The following LRRIQ1 variants were observed in gnomAD, a reference collection of about 807,000 sequenced individuals.
The protein encoded by LRRIQ1 is leucine-rich repeat- and IQ domain-containing protein 1.
Under a neutral mutation model 211.9 loss-of-function variants are expected in LRRIQ1, and 210 were observed. The observed-to-expected ratio is 0.99, with a 90% CI of 0.89 to 1.11. The LOEUF (loss-of-function observed/expected upper bound fraction) is 1.11. Among genes scored for constraint, LRRIQ1 ranks in the 50% most tolerant of loss-of-function variants. The pLI, the probability that LRRIQ1 is intolerant of heterozygous loss-of-function variation, is 0.00. For synonymous variants in LRRIQ1, 699 were observed against 650.1 expected, an observed-to-expected ratio of 1.08 and a Z score of -1.14; for missense variants, 2,136 against 1,939.5, an observed-to-expected ratio of 1.10 and a Z score of -1.90.
intron 23 of LRRIQ1, among the ~76,000 whole-genome samples, chr12:85,155,552 G>C (rs1038174420): frequency 3.3e-5 from 5 of 151,516 alleles, no homozygotes; most frequent in African/African-American, 1.2e-4. Flanking sequence ...TTAAACAACT[G>C]TTTTGAGAAT....
Position 85,229,497 on chromosome 12 carries a change from G to T in LRRIQ1, c.4823-20G>T. Reference sequence around the variant, plus strand: ...TGGTCTCTTTAAATAATAAGTACACGTTCCATATTTCTTTCACAGGTATAG... The same window carrying T: ...TGGTCTCTTTAAATAATAAGTACACTTTCCATATTTCTTTCACAGGTATAG... On this transcript the variant is annotated intron_variant, in intron 24 of 26. Transcript: ENST00000393217. 6.3e-7 allele frequency: 1 copy of T among 1,585,342 alleles called. No homozygotes were observed. Among genetic ancestry groups the T allele is most frequent in the South Asian group, 1.2e-5 (1 of 85,658 alleles).
intron 1 of LRRIQ1, among the ~76,000 whole-genome samples, chr12:85,257,136 TTA>T (rs1354174423): frequency 8.3e-5 from 1 of 12,084 alleles, no homozygotes; most frequent in African/African-American, 3.7e-4. Flanking sequence ...ATAATATATA[TTA>T]TATATTTATA....
chr12:85,169,348 C>T (rs1487226103), intron 24 of LRRIQ1, among the ~76,000 whole-genome samples: 1 of 151,828 alleles, frequency 6.6e-6, no homozygotes, highest in Non-Finnish European at 1.5e-5. Flanking sequence ...AAGTTGGAAG[C>T]CCTTAGATAA....
chr12:85,141,646 C>T (rs374224062), intron 19 of LRRIQ1, among the ~76,000 whole-genome samples: 2 of 144,042 alleles, frequency 1.4e-5, no homozygotes, highest in Non-Finnish European at 1.5e-5. Flanking sequence ...TTCAACTTTA[C>T]TGTGATTTTA....
chr12:85,144,635 T>C (rs184682761), intron 19 of LRRIQ1, among the ~76,000 whole-genome samples: 1 of 151,690 alleles, frequency 6.6e-6, no homozygotes, highest in African/African-American at 2.4e-5. Context: ...ATAGGTAGAC[T>C]GATTAGTAAA....
chr12:85,197,960 T>TA (rs1565898413), intron 24 of LRRIQ1, among the ~76,000 whole-genome samples: 12 of 109,446 alleles, frequency 1.1e-4, no homozygotes, highest in Non-Finnish European at 2.1e-4. Context: ...TAATTATATA[T>TA]TATATATAAA....
At chr12:85,187,159 G>T (rs1158063963) in intron 24 of LRRIQ1, among the ~76,000 whole-genome samples, 3 of 152,184 alleles carry the variant, frequency 2.0e-5, no homozygotes, top group East Asian at 1.9e-4. Flanking sequence ...ATACAGGATA[G>T]TTCCTAAATT....
intron 18 of LRRIQ1, among the ~76,000 whole-genome samples, chr12:85,131,534 G>A (rs1260676905): frequency 1.3e-5 from 2 of 152,232 alleles, no homozygotes; most frequent in South Asian, 2.1e-4. Flanking sequence ...GTAAGAGATA[G>A]GAATTCCAGG....
chr12:85,237,274 G>A (rs1022083193), intron 26 of LRRIQ1, among the ~76,000 whole-genome samples: 4 of 152,018 alleles, frequency 2.6e-5, no homozygotes, highest in Non-Finnish European at 5.9e-5. Context: ...AAACACATGA[G>A]TTCCACAGTC....
rs533032845 is a variant in LRRIQ1, at chr12:85,097,544, T to TG, written c.2888-810dup. Among the ~76,000 whole-genome samples, 207 of 152,216 alleles carry TG rather than the reference T, an allele frequency of 1.4e-3. 1 individual carries two copies. Among genetic ancestry groups the TG allele is most frequent in the African/African-American group, 4.7e-3 (195 of 41,538 alleles). ...TGTCCTTGCGATAGTTTGCTCAGAA[T>TG]GATGGTTTCCAGCTTCATCCATGTC... On this transcript the variant is annotated intron_variant, in intron 11 of 26. Transcript: ENST00000393217.
At chr12:85,165,467 CTTTTTT>C (rs779566934) in intron 24 of LRRIQ1, among the ~76,000 whole-genome samples, 5 of 118,638 alleles carry the variant, frequency 4.2e-5, no homozygotes, top group Middle Eastern at 5.7e-3. Context: ...TGATTTCTTA[CTTTTTT>C]TTTTTTTTTT....
intron 3 of LRRIQ1, 26 bp downstream of exon 3, chr12:85,040,627 C>A (rs1021887265): frequency 2.9e-6 from 4 of 1,362,912 alleles, no homozygotes; most frequent in Non-Finnish European, 3.1e-6. Context: ...ATCTGTCTGG[C>A]AGATAAGCTT....
chr12:85,160,836 A>G, intron 24 of LRRIQ1, 122 bp downstream of exon 24: 1 of 378,042 alleles, frequency 2.6e-6, no homozygotes, highest in Non-Finnish European at 4.4e-6. Context: ...TATGTATAAC[A>G]TATACTTGAA....
intron 13 of LRRIQ1, among the ~76,000 whole-genome samples, chr12:85,100,939 A>G (rs1366745155): frequency 1.3e-5 from 2 of 151,798 alleles, no homozygotes; most frequent in Non-Finnish European, 3.0e-5. Context: ...AAAAAACCAT[A>G]TTAGGTTTGA....
intron 24 of LRRIQ1, among the ~76,000 whole-genome samples, chr12:85,211,621 A>T (rs1893841248): frequency 6.6e-6 from 1 of 152,188 alleles, no homozygotes; most frequent in African/African-American, 2.4e-5. Flanking sequence ...TAACAAAGTG[A>T]CAGTTATTTT....
At chr12:85,210,505 TG>T (rs1893788788) in intron 24 of LRRIQ1, among the ~76,000 whole-genome samples, 1 of 152,218 alleles carries the variant, frequency 6.6e-6, no homozygotes, top group South Asian at 2.1e-4. Flanking sequence ...TTTAGCTTCT[TG>T]TTTTTTAAAT....
chr12:85,271,836 C>G, the LRRIQ1 span, among the ~76,000 whole-genome samples: 1 of 151,952 alleles, frequency 6.6e-6, no homozygotes, highest in Non-Finnish European at 1.5e-5. Context: ...TACCTTTGCC[C>G]AAAATATCTG....
chr12:85,077,081 G>A lies in LRRIQ1; in HGVS notation c.2887+3983G>A, dbSNP rs137921983. Reference sequence around the variant, plus strand: ...AGTGCAACTTTGTATATTTGTATGTGTGAATGAAAAACCATCAGACATGGC... The same window carrying A: ...AGTGCAACTTTGTATATTTGTATGTATGAATGAAAAACCATCAGACATGGC... On this transcript the variant is annotated intron_variant, in intron 11 of 26. Transcript: ENST00000393217. Among the ~76,000 whole-genome samples the A allele has an allele frequency of 1.1e-4, 16 of 152,270 alleles. No homozygotes were observed. The East Asian group carries it at 3.1e-3, about 29-fold the overall frequency.
intron 24 of LRRIQ1, among the ~76,000 whole-genome samples, chr12:85,205,949 A>G (rs1893523695): frequency 6.6e-6 from 1 of 152,164 alleles, no homozygotes; most frequent in African/African-American, 2.4e-5. Flanking sequence ...TATCTCTATC[A>G]TCTCAATTTG....
Sources: gnomAD v4.1 joint callset for allele counts (sites outside exome capture counted in the v4.1 genomes callset) on GRCh38, gnomAD v4.1.1 for gene constraint, MANE v1.5 for transcripts, NCBI Gene and HGNC (gene_info 2026-07-23, HGNC 2026-07-21) for gene names.